The following ADGRV1 variants were observed in gnomAD, a reference collection of about 807,000 sequenced individuals.
ADGRV1 encodes adhesion G protein-coupled receptor V1.
In ADGRV1, 359 loss-of-function variants were observed where a neutral mutation model predicts 596.2. The observed-to-expected ratio is 0.60, with a 90% CI of 0.55 to 0.66. The LOEUF (loss-of-function observed/expected upper bound fraction) is 0.66, where lower values mean the gene tolerates loss of function less well. Ranked by LOEUF, ADGRV1 falls within the 30% of genes least tolerant of loss-of-function variation. ADGRV1 has a pLI of 0.00. For missense variants in ADGRV1, 7,274 were observed against 7,575.6 expected (o/e 0.96, Z 1.48); for synonymous variants, 2,681 against 2,679.2 (o/e 1.00, Z -0.02).
chr5:90,641,456 G>GT (rs1473979723), intron 11 of ADGRV1, among the ~76,000 whole-genome samples: 1 of 152,076 alleles, frequency 6.6e-6, no homozygotes, highest in Admixed American at 6.6e-5. Context: ...TTCTGATCCA[G>GT]TTTTTTCTTT....
At chr5:90,908,617 T>G (rs1772544057) in intron 83 of ADGRV1, among the ~76,000 whole-genome samples, 1 of 152,342 alleles carries the variant, frequency 6.6e-6, no homozygotes, top group East Asian at 1.9e-4. Flanking sequence ...TGGTAGAATT[T>G]TATTATAATA....
rs70973719 is a variant in ADGRV1, at chr5:90,976,322, G to GTATATATATATA, written c.17974-9006_17974-8995dup. ...TATGTGTGTGTGTGTGTGTGTGTGT[G>GTATATATATATA]TATATATATATATATATATATATAT... On this transcript the variant is annotated intron_variant, in intron 84 of 89. Transcript: ENST00000405460. Among the ~76,000 whole-genome samples the GTATATATATATA allele has an allele frequency of 2.3e-3, 248 of 108,566 alleles. 1 individual carries two copies. The highest frequency in any genetic ancestry group is 9.0e-3 in the African/African-American group (238 of 26,452). The allele number at this position is 108,566 out of a possible 152,430, so 71.2% of individuals were successfully genotyped here.
intron 77 of ADGRV1, among the ~76,000 whole-genome samples, chr5:90,833,396 C>T (rs932221694): frequency 1.3e-5 from 2 of 152,032 alleles, no homozygotes; most frequent in Non-Finnish European, 2.9e-5. Flanking sequence ...GCAATGCTCC[C>T]ACCTCAGCCT....
At chr5:90,921,735 A>G (rs1489170026) in intron 83 of ADGRV1, among the ~76,000 whole-genome samples, 1 of 151,854 alleles carries the variant, frequency 6.6e-6, no homozygotes, top group Non-Finnish European at 1.5e-5. Flanking sequence ...AACAAGATAT[A>G]TTAATGTAGT....
At chr5:90,715,471 G>A (rs535954578) in intron 42 of ADGRV1, among the ~76,000 whole-genome samples, 33 of 152,316 alleles carry the variant, frequency 2.2e-4, no homozygotes, top group African/African-American at 7.5e-4. Flanking sequence ...TCTTCAGGTA[G>A]AGAGAGACCA....
intron 33 of ADGRV1, 55 bp downstream of exon 33, chr5:90,694,756 AT>A: frequency 1.4e-6 from 2 of 1,384,140 alleles, no homozygotes; most frequent in Non-Finnish European, 9.8e-7. Flanking sequence ...ATCATAGTCC[AT>A]TTTTATGATA....
intron 55 of ADGRV1, 94 bp downstream of exon 55, chr5:90,755,279 A>G: frequency 1.3e-6 from 1 of 761,038 alleles, no homozygotes; most frequent in Non-Finnish European, 2.0e-6. Context: ...CTTTTTTTTA[A>G]TAAAAGGATT....
chr5:91,031,316 G>T, intron 85 of ADGRV1: 4 of 1,398,266 alleles, frequency 2.9e-6, no homozygotes, highest in Non-Finnish European at 3.0e-6. Context: ...AAATGCTGCT[G>T]CACTTGCTAA....
chr5:91,063,264 C>T (rs1787607433), intron 85 of ADGRV1, among the ~76,000 whole-genome samples: 1 of 152,100 alleles, frequency 6.6e-6, no homozygotes, highest in South Asian at 2.1e-4. Flanking sequence ...AACTGTTTTT[C>T]TCAAACTTTA....
At chr5:90,595,486 G>T (rs1760271148) in intron 1 of ADGRV1, among the ~76,000 whole-genome samples, 1 of 88,104 alleles carries the variant, frequency 1.1e-5, no homozygotes, top group African/African-American at 5.0e-5. Context: ...GGGCAGAGGG[G>T]CTCCTCACTT....
chr5:90,812,908 G>C (rs1762561811), intron 74 of ADGRV1, among the ~76,000 whole-genome samples: 1 of 151,612 alleles, frequency 6.6e-6, no homozygotes, highest in Non-Finnish European at 1.5e-5. Context: ...GAGTCGGGCG[G>C]ATCACGAGGT....
At chr5:90,685,669 T>G in intron 28 of ADGRV1, 111 bp from the exon 29 acceptor site, 5 of 467,666 alleles carry the variant, frequency 1.1e-5, no homozygotes, top group Non-Finnish European at 1.5e-5. Flanking sequence ...AAACCCCAAA[T>G]GAGAATCCTA....
intron 85 of ADGRV1, among the ~76,000 whole-genome samples, chr5:91,019,562 T>C (rs1334850922): frequency 2.1e-5 from 3 of 145,806 alleles, no homozygotes; most frequent in African/African-American, 7.8e-5. Flanking sequence ...TGCTGTACAT[T>C]AATTTACTTG....
chr5:90,706,372 C>T lies in ADGRV1; in HGVS notation c.8708C>T (p.Ala2903Val). 4 of 1,606,390 alleles carry T rather than the reference C, an allele frequency of 2.5e-6. No individual in the cohort carries two copies. The highest frequency in any genetic ancestry group is 3.4e-6 in the Non-Finnish European group (4 of 1,177,358). ...TTAGAAGAAGGGGAAACAGCAGCAG[C>T]CATCAACATTACCATTCTTGAGGTA... ...LILEEGETAAAINITILEDDV... is the reference protein window; with the variant it reads ...LILEEGETAAVINITILEDDV... Residue 2903 changes from alanine to valine, a missense_variant, in exon 38 of 90, where the codon GCC becomes GTC. Physicochemically the swap from Ala to Val is moderately conservative, Grantham distance 64. Transcript: ENST00000405460.
intron 86 of ADGRV1, among the ~76,000 whole-genome samples, chr5:91,084,011 A>G (rs1789644799): frequency 6.6e-6 from 1 of 152,020 alleles, no homozygotes; most frequent in African/African-American, 2.4e-5. Flanking sequence ...TTTCCTATTC[A>G]TGTTACTGTG....
intron 50 of ADGRV1, among the ~76,000 whole-genome samples, chr5:90,743,129 A>T (rs1226755637): frequency 6.6e-6 from 1 of 152,162 alleles, no homozygotes; most frequent in Non-Finnish European, 1.5e-5. Context: ...GAGACTATTG[A>T]ATCAGCTCAT....
In ADGRV1 at chr5:90,936,532, A is replaced by G. The variant is rs189060417; in HGVS notation, c.17857-28883A>G. 9.3e-3 allele frequency among the ~76,000 whole-genome samples: 1,408 copies of G among 151,912 alleles called. 20 individuals are homozygous for G. Among genetic ancestry groups the G allele is most frequent in the African/African-American group, 0.033 (1,357 of 41,478 alleles). The stretch of plus-strand genomic sequence containing the variant: ...AACCAAGCTTATGGTTTTGTTGACT[A>G]TCTCTACTTTTATTCTAATTAATAT... On this transcript the variant is annotated intron_variant, in intron 83 of 89. Transcript: ENST00000405460.
chr5:90,725,681 G>GTT, intron 48 of ADGRV1, 25 bp downstream of exon 48: 41 of 1,052,028 alleles, frequency 3.9e-5, no homozygotes, highest in Admixed American at 6.5e-5. Context: ...AAATGAAGTG[G>GTT]GTTTTTTTTT....
intron 87 of ADGRV1, among the ~76,000 whole-genome samples, chr5:91,129,765 A>T (rs1274175462): frequency 6.6e-6 from 1 of 152,296 alleles, no homozygotes; most frequent in Middle Eastern, 3.4e-3. Context: ...ACTTTATTTG[A>T]CATGATCCAG....
Sources: allele counts gnomAD v4.1 joint callset (sites outside exome capture counted in the v4.1 genomes callset), GRCh38; gene constraint gnomAD v4.1.1; transcripts MANE v1.5; gene names NCBI Gene and HGNC (gene_info 2026-07-23, HGNC 2026-07-21).